EPHA6: variants seen among roughly 807,000 people sequenced by gnomAD.
The protein encoded by EPHA6 is ephrin type-A receptor 6.
Under a neutral mutation model 112.0 loss-of-function variants are expected in EPHA6, and 50 were observed. That is an observed-to-expected ratio of 0.45 (90% CI 0.36 to 0.56). The LOEUF (loss-of-function observed/expected upper bound fraction) is 0.56. Ranked by LOEUF, EPHA6 falls within the 20% of genes least tolerant of loss-of-function variation. The pLI is 0.00. For missense variants in EPHA6, 1,280 were observed against 1,417.4 expected (o/e 0.90, Z 1.56); for synonymous variants, 529 against 490.7 (o/e 1.08, Z -1.03).
chr3:97,475,685 G>A (rs2091349105), intron 8 of EPHA6, among the ~76,000 whole-genome samples: 1 of 151,900 alleles, frequency 6.6e-6, no homozygotes, highest in Non-Finnish European at 1.5e-5. Flanking sequence ...TATGAATGAT[G>A]AATTTATAGT....
At chr3:97,528,975 C>T (rs2092663409) in intron 10 of EPHA6, among the ~76,000 whole-genome samples, 1 of 152,090 alleles carries the variant, frequency 6.6e-6, no homozygotes, top group Non-Finnish European at 1.5e-5. Flanking sequence ...TATATTTGAG[C>T]AAGGTCTGCA....
intron 14 of EPHA6, among the ~76,000 whole-genome samples, chr3:97,706,786 G>C (rs1485302202): frequency 1.4e-5 from 2 of 142,362 alleles, no homozygotes; most frequent in Non-Finnish European, 3.0e-5. Flanking sequence ...CCTTTGTTTT[G>C]TTGTTTTTTT....
intron 3 of EPHA6, among the ~76,000 whole-genome samples, chr3:97,125,344 C>T (rs1413261080): frequency 6.6e-6 from 1 of 152,172 alleles, no homozygotes; most frequent in African/African-American, 2.4e-5. Flanking sequence ...TCTATAGAAG[C>T]AGCTCACTCA....
chr3:97,591,009 A>C (rs1299299536), intron 11 of EPHA6, among the ~76,000 whole-genome samples: 1 of 152,188 alleles, frequency 6.6e-6, no homozygotes, highest in African/African-American at 2.4e-5. Flanking sequence ...ACTCCTTGTA[A>C]GTTACCTCGG....
At chr3:97,406,757 T>A (rs1249398059) in intron 6 of EPHA6, among the ~76,000 whole-genome samples, 2 of 152,128 alleles carry the variant, frequency 1.3e-5, no homozygotes, top group Non-Finnish European at 2.9e-5. Flanking sequence ...ATCCATAGCC[T>A]AAGAAAGGAC....
At chr3:96,999,501 T>C (rs1241627965) in intron 3 of EPHA6, among the ~76,000 whole-genome samples, 1 of 148,584 alleles carries the variant, frequency 6.7e-6, no homozygotes, top group Non-Finnish European at 1.5e-5. Context: ...TCACATATCA[T>C]CTCCTATCAC....
intron 5 of EPHA6, among the ~76,000 whole-genome samples, chr3:97,397,516 C>T (rs1326024376): frequency 1.3e-5 from 2 of 151,394 alleles, no homozygotes; most frequent in African/African-American, 2.4e-5. Context: ...ACAGAAAATC[C>T]AGCATTTGGG....
intron 3 of EPHA6, among the ~76,000 whole-genome samples, chr3:97,068,566 G>T (rs78590201): frequency 0.012 from 1,893 of 151,996 alleles, 36 homozygotes; most frequent in African/African-American, 0.044. Flanking sequence ...TGTATAAAAA[G>T]AAATACTTCT....
intron 3 of EPHA6, among the ~76,000 whole-genome samples, chr3:97,031,804 C>T (rs917759736): frequency 1.3e-4 from 20 of 152,164 alleles, no homozygotes; most frequent in African/African-American, 3.9e-4. Context: ...ACAACAGGTG[C>T]TGGAGAGGAT....
intron 10 of EPHA6, among the ~76,000 whole-genome samples, chr3:97,491,169 T>C (rs765208719): frequency 1.3e-5 from 2 of 152,148 alleles, no homozygotes; most frequent in African/African-American, 4.8e-5. Flanking sequence ...CTCCCCACAC[T>C]GAAGGGAAGG....
intron 3 of EPHA6, among the ~76,000 whole-genome samples, chr3:97,086,184 A>G (rs1249080757): frequency 6.6e-6 from 1 of 151,476 alleles, no homozygotes; most frequent in Non-Finnish European, 1.5e-5. Context: ...GTCAATATAA[A>G]TTAATATTAG....
intron 11 of EPHA6, among the ~76,000 whole-genome samples, chr3:97,576,246 C>T (rs1299942659): frequency 6.6e-6 from 1 of 151,736 alleles, no homozygotes; most frequent in Non-Finnish European, 1.5e-5. Flanking sequence ...TCCTATAAAG[C>T]TTCAAGAAAT....
chr3:97,364,501 T>G (rs2084597142), intron 5 of EPHA6, among the ~76,000 whole-genome samples: 2 of 151,956 alleles, frequency 1.3e-5, no homozygotes. Flanking sequence ...TAGAATTATG[T>G]CACAGCTAGC....
At chr3:97,163,621 G>C (rs78115917) in intron 3 of EPHA6, among the ~76,000 whole-genome samples, 1 of 152,072 alleles carries the variant, frequency 6.6e-6, no homozygotes, top group Non-Finnish European at 1.5e-5. Flanking sequence ...GTCCTGAGGA[G>C]GCTCAGCATA....
At chr3:97,191,706 T>G (rs1308424536) in intron 3 of EPHA6, among the ~76,000 whole-genome samples, 1 of 152,182 alleles carries the variant, frequency 6.6e-6, no homozygotes, top group Non-Finnish European at 1.5e-5. Flanking sequence ...CACATTTTCT[T>G]TATCTATTCA....
chr3:96,969,044 A>G lies in EPHA6; in HGVS notation c.451-18286A>G, dbSNP rs578236718. Among the ~76,000 whole-genome samples, 7 of 152,028 alleles carry G rather than the reference A, an allele frequency of 4.6e-5. No homozygotes were observed. The South Asian group carries it at 1.4e-3, about 31-fold the overall frequency. ...AATAATTTGTGAAATTAAAAAATAG[A>G]ATGTAGAAGAAATTCTCAACCTGGT... On this transcript the variant is annotated intron_variant, in intron 2 of 17. Transcript: ENST00000389672.
rs138244164 is a variant in EPHA6 at position 97,529,946 on chromosome 3, C to T, written c.2201-2412C>T. On this transcript the variant is annotated intron_variant, in intron 10 of 17. Transcript: ENST00000389672. Reference sequence around the variant, plus strand: ...ATACCAACAGAATTCTCATTATTTTCATGACATTCAGAAGTTTATTTGAAT... The same window carrying T: ...ATACCAACAGAATTCTCATTATTTTTATGACATTCAGAAGTTTATTTGAAT... Among the ~76,000 whole-genome samples the T allele has an allele frequency of 4.5e-3, 685 of 152,014 alleles. 8 individuals carry two copies. Among genetic ancestry groups the T allele is most frequent in the African/African-American group, 0.015 (611 of 41,498 alleles).
At chr3:97,095,298 G>C (rs2047202175) in intron 3 of EPHA6, among the ~76,000 whole-genome samples, 1 of 151,904 alleles carries the variant, frequency 6.6e-6, no homozygotes, top group Admixed American at 6.6e-5. Flanking sequence ...ACTGGGGCCT[G>C]TCATGGGGTA....
chr3:97,399,147 A>G (rs1031245290), intron 5 of EPHA6, among the ~76,000 whole-genome samples: 15 of 151,486 alleles, frequency 9.9e-5, no homozygotes, highest in African/African-American at 3.6e-4. Context: ...TATGCTGTAC[A>G]ATAAGATCAA....
Sources: allele counts gnomAD v4.1 joint callset (sites outside exome capture counted in the v4.1 genomes callset), GRCh38; gene constraint gnomAD v4.1.1; transcripts MANE v1.5; gene names NCBI Gene and HGNC (gene_info 2026-07-23, HGNC 2026-07-21).